Variants in GRIK4 observed in about 807,000 individuals in gnomAD.
GRIK4 encodes glutamate receptor ionotropic, kainate 4.
GRIK4 carries 40 observed loss-of-function variants against 104.9 expected under a neutral mutation model. The ratio of observed to expected loss-of-function variants is 0.38; its 90% confidence interval spans 0.30 to 0.50. GRIK4 has a LOEUF of 0.50. Among genes scored for constraint, GRIK4 ranks in the 20% least tolerant of loss-of-function variants. GRIK4 has a pLI of 0.93. For synonymous variants in GRIK4, 485 were observed against 524.9 expected, an observed-to-expected ratio of 0.92 and a Z score of 1.04; for missense variants, 1,047 against 1,308.1, an observed-to-expected ratio of 0.80 and a Z score of 3.08.
chr11:120,819,390 G>T lies in GRIK4; in HGVS notation c.346-365G>T, dbSNP rs560092175. Among the ~76,000 whole-genome samples the T allele has an allele frequency of 7.0e-4, 106 of 152,300 alleles. No individual in the cohort carries two copies. The highest frequency in any genetic ancestry group is 2.5e-3 in the African/African-American group (102 of 41,554). On this transcript the variant is annotated intron_variant, in intron 5 of 20. Coordinates refer to ENST00000527524, the MANE Select transcript of GRIK4 (RefSeq NM_014619.5). This position sits in a 1 kb window ranked among gnomAD's most constrained non-coding sequence, Gnocchi z 4.3. ...TTAACTACAAATAAAATATTCTAAG[G>T]ATTATGCTTTCAAGAGCCAACTGTC...
Position 120,905,430 on chromosome 11 carries a change from C to T in GRIK4, c.1413C>T (p.Gly471=), listed in dbSNP as rs113906117. The T allele has an allele frequency of 4.6e-4, 729 of 1,570,400 alleles. 1 individual carries two copies. Among genetic ancestry groups the T allele is most frequent in the Middle Eastern group, 3.3e-3 (19 of 5,842 alleles). ...ACAAGATCCGCCTGGTTGGGGATGG[C>T]GTGTACGGCGTTCCCGAGGCCAACG... ...FNYKIRLVGD[G]VYGVPEANGT... The change falls in exon 13 of 21, where the codon GGC becomes GGT. Residue 471 remains glycine, a synonymous_variant. Transcript: ENST00000527524. This position sits in a 1 kb window ranked among gnomAD's most constrained non-coding sequence, Gnocchi z 5.1.
In GRIK4 at chr11:120,903,825, C is replaced by T. The variant is rs549570418; in HGVS notation, c.1273-1465C>T. Among the ~76,000 whole-genome samples the T allele has an allele frequency of 6.6e-6, 1 of 152,322 alleles. No individual in the cohort carries two copies. The highest frequency in any genetic ancestry group is 2.4e-5 in the African/African-American group (1 of 41,582). On this transcript the variant is annotated intron_variant, in intron 12 of 20. Coordinates refer to ENST00000527524, the MANE Select transcript of GRIK4 (RefSeq NM_014619.5). The surrounding 1 kb of genome is among the most constrained non-coding windows in gnomAD (Gnocchi z 4.4). ...CTCACTCCTGTGGCACTCGCTCAGT[C>T]CTCATCCTACGGAGTCCTGCTGCCC...
At chr11:120,644,035 G>A (rs910279517) in intron 1 of GRIK4, among the ~76,000 whole-genome samples, 6 of 117,746 alleles carry the variant, frequency 5.1e-5, no homozygotes, top group Non-Finnish European at 9.9e-5. Context: ...GTGTGTGTGT[G>A]TGTGTGTGTG....
intron 1 of GRIK4, among the ~76,000 whole-genome samples, chr11:120,605,896 G>A (rs1044487386): frequency 6.6e-6 from 1 of 152,232 alleles, no homozygotes; most frequent in African/African-American, 2.4e-5. Flanking sequence ...AATGAGGCTG[G>A]TGGGCAGCAG....
At chr11:120,596,351 T>C (rs561089855) in intron 1 of GRIK4, among the ~76,000 whole-genome samples, 2 of 152,060 alleles carry the variant, frequency 1.3e-5, no homozygotes, top group South Asian at 4.2e-4. Context: ...TATTAACCAG[T>C]AAAAAAAATG....
At chr11:120,753,299 G>GTT (rs1951590011) in intron 3 of GRIK4, among the ~76,000 whole-genome samples, 1 of 59,170 alleles carries the variant, frequency 1.7e-5, no homozygotes, top group African/African-American at 7.1e-5. Flanking sequence ...ACACAACTCT[G>GTT]TGTGTGTGTG....
intron 1 of GRIK4, among the ~76,000 whole-genome samples, chr11:120,579,388 C>T (rs868798003): frequency 1.3e-5 from 2 of 151,972 alleles, no homozygotes; most frequent in African/African-American, 2.4e-5. Context: ...GGGAACAAGG[C>T]GGTAGCAAGG....
chr11:120,557,233 TC>T (rs776436383), intron 1 of GRIK4, among the ~76,000 whole-genome samples: 1 of 151,956 alleles, frequency 6.6e-6, no homozygotes, highest in Admixed American at 6.6e-5. Context: ...GCCTCTCCTG[TC>T]CCCCCCGAGG....
chr11:120,592,301 A>G (rs1948743929), intron 1 of GRIK4, among the ~76,000 whole-genome samples: 2 of 152,312 alleles, frequency 1.3e-5, no homozygotes, highest in Admixed American at 6.5e-5. Context: ...TCCATGGGGA[A>G]ATGCCGTCTG....
chr11:120,976,453 A>C (rs1194876659), intron 19 of GRIK4, among the ~76,000 whole-genome samples: 3 of 152,224 alleles, frequency 2.0e-5, no homozygotes, highest in Non-Finnish European at 4.4e-5. Context: ...CATGTAGGTC[A>C]GTTTATATCG....
At chr11:120,860,910 G>T (rs1428190719) in intron 8 of GRIK4, among the ~76,000 whole-genome samples, 4 of 151,972 alleles carry the variant, frequency 2.6e-5, no homozygotes. Context: ...TTATGGTCTG[G>T]TCTCTGCTGA....
chr11:120,893,143 C>G (rs1942464419), intron 11 of GRIK4, among the ~76,000 whole-genome samples: 1 of 152,166 alleles, frequency 6.6e-6, no homozygotes, highest in Non-Finnish European at 1.5e-5. Flanking sequence ...TTCAAGAGGA[C>G]AGAGGAACAT....
intron 3 of GRIK4, among the ~76,000 whole-genome samples, chr11:120,797,854 T>C (rs915439039): frequency 8.5e-5 from 13 of 152,086 alleles, no homozygotes; most frequent in African/African-American, 2.4e-4. Context: ...AATACAAGAT[T>C]CGCACGTTCC....
At chr11:120,544,973 A>C (rs1452417571) in intron 1 of GRIK4, among the ~76,000 whole-genome samples, 1 of 152,148 alleles carries the variant, frequency 6.6e-6, no homozygotes, top group Non-Finnish European at 1.5e-5. Context: ...CTGTCACAAC[A>C]ACCGTGTGCT....
chr11:120,542,633 G>A lies in GRIK4; in HGVS notation c.-159+30746G>A, dbSNP rs191617593. Among the ~76,000 whole-genome samples the A allele has an allele frequency of 2.6e-5, 4 of 152,320 alleles. No individual in the cohort carries two copies. The East Asian group carries it at 7.7e-4, about 29-fold the overall frequency. On this transcript the variant is annotated intron_variant, in intron 1 of 20. Transcript: ENST00000527524. Reference sequence around the variant, plus strand: ...CAAAATAACAACCCAATTAAAAAATGGGCAGAGGATCTGAATAGACATTTC... The same window carrying A: ...CAAAATAACAACCCAATTAAAAAATAGGCAGAGGATCTGAATAGACATTTC...
chr11:120,601,324 G>A (rs1948883443), intron 1 of GRIK4, among the ~76,000 whole-genome samples: 1 of 151,946 alleles, frequency 6.6e-6, no homozygotes. Flanking sequence ...GAGCATCACT[G>A]GAACTCGGGA....
chr11:120,655,711 G>A (rs1180437780), intron 2 of GRIK4, among the ~76,000 whole-genome samples: 1 of 152,216 alleles, frequency 6.6e-6, no homozygotes, highest in African/African-American at 2.4e-5. Flanking sequence ...AGGCAGCGCT[G>A]TCAGGATCTG....
At chr11:120,841,882 G>A (rs7110179) in intron 8 of GRIK4, among the ~76,000 whole-genome samples, 121,602 of 152,096 alleles carry the variant, frequency 0.8, 48,692 homozygotes, top group East Asian at 0.83. Context: ...GCAAGACCAC[G>A]TGACTGAAGT....
At chr11:120,651,554 T>G (rs1262168223) in intron 1 of GRIK4, among the ~76,000 whole-genome samples, 1 of 152,328 alleles carries the variant, frequency 6.6e-6, no homozygotes, top group East Asian at 1.9e-4. Flanking sequence ...GTTCCTACCA[T>G]GTACCCACAG....
Sources: gnomAD v4.1 joint callset for allele counts (sites outside exome capture counted in the v4.1 genomes callset) on GRCh38, gnomAD v4.1.1 for gene constraint, Gnocchi (gnomAD v3.1) non-coding constraint, MANE v1.5 for transcripts, NCBI Gene and HGNC (gene_info 2026-07-23, HGNC 2026-07-21) for gene names.